The following TRPC5 variants were observed in gnomAD, a reference collection of about 807,000 sequenced individuals.
TRPC5 encodes transient receptor potential cation channel subfamily C member 5.
In TRPC5, 9 loss-of-function variants were observed where a neutral mutation model predicts 56.5. That is an observed-to-expected ratio of 0.16 (90% CI 0.10 to 0.28). TRPC5 has a LOEUF of 0.28. TRPC5 is among the 10% of genes least tolerant of loss of function. The pLI is 1.00. For missense variants in TRPC5, 469 were observed against 748.9 expected (o/e 0.63, Z 4.36); for synonymous variants, 282 against 278.5 (o/e 1.01, Z -0.13).
chrX:111,787,899 T>C (rs749027768), intron 7 of TRPC5, among the ~76,000 whole-genome samples: 7 of 111,347 alleles, frequency 6.3e-5, no homozygotes, highest in Non-Finnish European at 1.3e-4. Flanking sequence ...AATAACAGGC[T>C]CTGAATTTGA....
chrX:111,919,380 C>G (rs759545425), intron 2 of TRPC5, among the ~76,000 whole-genome samples: 56 of 112,046 alleles, frequency 5.0e-4, no homozygotes, highest in Middle Eastern at 9.2e-3. Flanking sequence ...GCTGTGGAAG[C>G]TTTGTTCTTT....
Position 111,801,113 on chromosome X carries a change from C to T in TRPC5, c.1897-18975G>A, listed in dbSNP as rs1921295198. On this transcript the variant is annotated intron_variant, in intron 7 of 10. Coordinates refer to ENST00000262839, the MANE Select transcript of TRPC5 (RefSeq NM_012471.3). ...TCTACTTTCATCTCTACTGATTTATCTGTTTTGAACATTTCATATAAATGG... is the reference window on the plus strand; with the variant it reads ...TCTACTTTCATCTCTACTGATTTATTTGTTTTGAACATTTCATATAAATGG... Among the ~76,000 whole-genome samples, 4 of 112,161 alleles carry T rather than the reference C, an allele frequency of 3.6e-5. 1 individual carries two copies. The South Asian group carries it at 1.5e-3, about 42-fold the overall frequency.
chrX:111,952,192 C>A lies in TRPC5; in HGVS notation c.229G>T (p.Ala77Ser). ...DPLGRSALLI[A>S]IENENLEIME... ...ATCTCCAGGTTCTCGTTCTCAATGG[C>A]AATGAGCAGGGCACTCCGGCCCAAG... Residue 77 changes from alanine to serine, a missense_variant, in exon 2 of 11, where the codon GCC becomes TCC. This residue lies in a region of TRPC5 where 118 missense variants were observed against 167.1 expected (regional missense o/e 0.71). Transcript: ENST00000262839. 6 of 1,212,150 alleles carry A rather than the reference C, an allele frequency of 4.9e-6. No homozygotes were observed. Among genetic ancestry groups the A allele is most frequent in the Non-Finnish European group, 6.7e-6 (6 of 895,635 alleles).
intron 6 of TRPC5, among the ~76,000 whole-genome samples, chrX:111,842,118 T>TA (rs1297857397): frequency 2.4e-5 from 2 of 82,698 alleles, no homozygotes; most frequent in African/African-American, 2.0e-4. Context: ...TATATATATA[T>TA]TTTATATATA....
intron 1 of TRPC5, among the ~76,000 whole-genome samples, chrX:111,962,243 C>A (rs1927404350): frequency 8.9e-6 from 1 of 111,982 alleles, no homozygotes; most frequent in Non-Finnish European, 1.9e-5. Flanking sequence ...AAAAAGAAAT[C>A]CCAGGAAACA....
intron 1 of TRPC5, among the ~76,000 whole-genome samples, chrX:112,081,018 CTA>C (rs1930951254): frequency 8.9e-6 from 1 of 112,245 alleles, no homozygotes; most frequent in African/African-American, 3.2e-5. Flanking sequence ...TTCAGAGGTT[CTA>C]TCTTTCAGGC....
chrX:111,771,044 TTC>T lies in TRPC5; in HGVS notation c.*5267_*5268del, dbSNP rs1945840616. Among the ~76,000 whole-genome samples the T allele has an allele frequency of 8.9e-6, 1 of 111,949 alleles. No individual in the cohort carries two copies. On this transcript the variant is annotated 3_prime_UTR_variant, in exon 11 of 11. Transcript: ENST00000262839. ...AAAATGACCTTCACGTTGCAAGTCA[TTC>T]TAACCTACTTCAGTTAGTCTTTTTT...
chrX:112,076,731 T>C (rs1342142924), intron 1 of TRPC5, among the ~76,000 whole-genome samples: 1 of 111,997 alleles, frequency 8.9e-6, no homozygotes, highest in African/African-American at 3.2e-5. Flanking sequence ...TGGTAATATT[T>C]TGAGATATGC....
chrX:111,814,494 C>A (rs145692248), intron 7 of TRPC5, among the ~76,000 whole-genome samples: 1,746 of 110,998 alleles, frequency 0.016, 16 homozygotes, highest in South Asian at 0.032. Flanking sequence ...AGTGTCAGGG[C>A]CAAAAAGAGA....
At chrX:112,049,449 AC>A (rs1930156679) in intron 1 of TRPC5, among the ~76,000 whole-genome samples, 1 of 107,709 alleles carries the variant, frequency 9.3e-6, no homozygotes, top group Non-Finnish European at 1.9e-5. Context: ...ACACACACAC[AC>A]ACACATATAT....
intron 7 of TRPC5, among the ~76,000 whole-genome samples, chrX:111,791,370 G>C (rs1417339857): frequency 8.9e-6 from 1 of 111,813 alleles, no homozygotes; most frequent in Non-Finnish European, 1.9e-5. Flanking sequence ...GGCCCAAGCT[G>C]CTGTCACAGC....
chrX:111,796,800 G>A (rs186305327), intron 7 of TRPC5, among the ~76,000 whole-genome samples: 2 of 111,307 alleles, frequency 1.8e-5, no homozygotes, highest in Admixed American at 1.9e-4. Context: ...ATACAGCCCT[G>A]TACATGTCCA....
At chrX:111,911,808 A>C (rs1216669613) in intron 3 of TRPC5, among the ~76,000 whole-genome samples, 1 of 112,267 alleles carries the variant, frequency 8.9e-6, no homozygotes, top group African/African-American at 3.2e-5. Flanking sequence ...TTGTGCCAAC[A>C]ATTACCAGCA....
intron 2 of TRPC5, among the ~76,000 whole-genome samples, chrX:111,947,283 A>G (rs929181331): frequency 1.8e-5 from 2 of 111,323 alleles, no homozygotes; most frequent in Admixed American, 9.5e-5. Context: ...CATATTTACT[A>G]GTTGTGATCT....
At chrX:111,979,632 A>G (rs749755118) in intron 1 of TRPC5, among the ~76,000 whole-genome samples, 24 of 111,678 alleles carry the variant, frequency 2.1e-4, no homozygotes, top group African/African-American at 7.1e-4. Flanking sequence ...AATTGAAACA[A>G]ATAATCTGGT....
chrX:111,945,707 T>G (rs1489242119), intron 2 of TRPC5, among the ~76,000 whole-genome samples: 1 of 112,092 alleles, frequency 8.9e-6, no homozygotes, highest in Non-Finnish European at 1.9e-5. Context: ...CACAAGAGTC[T>G]GGGATAAGGA....
chrX:111,994,459 T>C (rs1317380728), intron 1 of TRPC5, among the ~76,000 whole-genome samples: 1 of 111,604 alleles, frequency 9.0e-6, no homozygotes, highest in Non-Finnish European at 1.9e-5. Context: ...GGTAGCTTGA[T>C]GGGGATGGCA....
intron 1 of TRPC5, among the ~76,000 whole-genome samples, chrX:111,977,021 CAA>C (rs778362692): frequency 9.0e-5 from 10 of 110,973 alleles, no homozygotes; most frequent in African/African-American, 1.3e-4. Context: ...GATGAGATCC[CAA>C]GTTTATGGAC....
intron 2 of TRPC5, among the ~76,000 whole-genome samples, chrX:111,944,175 C>T (rs1926857715): frequency 9.1e-6 from 1 of 110,039 alleles, no homozygotes; most frequent in Admixed American, 9.8e-5. Context: ...GCACCATTAA[C>T]GGTGAATTAG....
Sources: allele counts gnomAD v4.1 joint callset (sites outside exome capture counted in the v4.1 genomes callset), GRCh38; gene constraint gnomAD v4.1.1; regional missense constraint gnomAD v4.1.1; transcripts MANE v1.5; gene names NCBI Gene and HGNC (gene_info 2026-07-23, HGNC 2026-07-21).